The following ADARB2 variants were observed in gnomAD, a reference collection of about 807,000 sequenced individuals.
The protein encoded by ADARB2 is inactive double-stranded RNA-specific editase B2.
In ADARB2, 25 loss-of-function variants were observed where a neutral mutation model predicts 62.2. That is an observed-to-expected ratio of 0.40 (90% CI 0.29 to 0.56). ADARB2 has a LOEUF of 0.56. Ranked by LOEUF, ADARB2 falls within the 20% of genes least tolerant of loss-of-function variation. The pLI, the probability that ADARB2 is intolerant of heterozygous loss-of-function variation, is 0.43. For synonymous variants in ADARB2, 572 were observed against 500.8 expected (o/e 1.14, Z -1.90); for missense variants, 1,071 against 1,077.4 (o/e 0.99, Z 0.08).
chr10:1,437,235 C>T (rs1429191389), intron 1 of ADARB2, among the ~76,000 whole-genome samples: 117 of 147,364 alleles, frequency 7.9e-4, no homozygotes, highest in African/African-American at 2.8e-3. Context: ...TATATATACA[C>T]ACACACACAT....
At chr10:1,679,820 C>T (rs1834512314) in intron 1 of ADARB2, among the ~76,000 whole-genome samples, 1 of 152,202 alleles carries the variant, frequency 6.6e-6, no homozygotes, top group South Asian at 2.1e-4. Flanking sequence ...CAGGGGATGC[C>T]TGCTGCCTGG....
chr10:1,363,105 C>A lies in ADARB2; in HGVS notation c.1000G>T (p.Ala334Ser). The change falls in exon 3 of 10, where the codon GCC becomes TCC. Residue 334 changes from alanine to serine, a missense_variant. Coordinates refer to ENST00000381312, the MANE Select transcript of ADARB2 (RefSeq NM_018702.4). ...ATGTCGAACAGCTCCTGCAGTGCGG[C>A]CTGCGCGGCCTGACCCCGGGCCAGC... The part of the protein sequence containing the change: ...KKLARGQAAQ[A>S]ALQELFDIQM... 1 of 1,525,552 alleles carries A rather than the reference C, an allele frequency of 6.6e-7. No homozygotes were observed. The highest frequency in any genetic ancestry group is 8.7e-7 in the Non-Finnish European group (1 of 1,144,834). 94.5% of individuals were successfully genotyped at this position (1,525,552 alleles called of 1,614,324 possible).
chr10:1,653,396 G>T (rs1286113947), intron 1 of ADARB2, among the ~76,000 whole-genome samples: 1 of 152,222 alleles, frequency 6.6e-6, no homozygotes, highest in Non-Finnish European at 1.5e-5. Flanking sequence ...GGCATGAAGA[G>T]GCTGGGGTTT....
At chr10:1,570,994 C>T (rs1477853591) in intron 1 of ADARB2, among the ~76,000 whole-genome samples, 3 of 152,144 alleles carry the variant, frequency 2.0e-5, no homozygotes, top group Non-Finnish European at 2.9e-5. Flanking sequence ...TCCTGCCTCC[C>T]AGACAAAACC....
chr10:1,201,632 A>G (rs953001343), intron 7 of ADARB2, among the ~76,000 whole-genome samples: 2 of 148,856 alleles, frequency 1.3e-5, no homozygotes, highest in African/African-American at 2.5e-5. Flanking sequence ...TAAGCCACAG[A>G]GCACCTGTCA....
chr10:1,213,132 TG>T (rs1837179730), intron 7 of ADARB2, among the ~76,000 whole-genome samples: 1 of 149,946 alleles, frequency 6.7e-6, no homozygotes, highest in South Asian at 2.1e-4. Flanking sequence ...GAGGATGAGA[TG>T]GAGAGGGAGA....
intron 1 of ADARB2, among the ~76,000 whole-genome samples, chr10:1,392,272 T>C (rs1362253312): frequency 1.3e-5 from 2 of 152,140 alleles, no homozygotes; most frequent in African/African-American, 2.4e-5. Context: ...ATAACCGGGA[T>C]TGGGGCTGAC....
chr10:1,660,085 C>G (rs1176010032), intron 1 of ADARB2, among the ~76,000 whole-genome samples: 1 of 152,188 alleles, frequency 6.6e-6, no homozygotes, highest in Non-Finnish European at 1.5e-5. Context: ...CATCATGCAG[C>G]TTCCTGGTTC....
intron 1 of ADARB2, among the ~76,000 whole-genome samples, chr10:1,403,605 C>A (rs1160768793): frequency 6.6e-6 from 1 of 152,164 alleles, no homozygotes. Flanking sequence ...TTGCACTCCA[C>A]GTGAGGGGCC....
intron 1 of ADARB2, among the ~76,000 whole-genome samples, chr10:1,411,081 C>T (rs978815236): frequency 8.5e-5 from 13 of 152,224 alleles, no homozygotes; most frequent in African/African-American, 2.9e-4. Flanking sequence ...TCCTGCTCTC[C>T]TCTCTGCAGC....
chr10:1,224,271 T>A (rs992651617), intron 6 of ADARB2, among the ~76,000 whole-genome samples: 1 of 152,192 alleles, frequency 6.6e-6, no homozygotes, highest in Non-Finnish European at 1.5e-5. Flanking sequence ...GGTGGTGATA[T>A]CCCCTTTATC....
intron 1 of ADARB2, among the ~76,000 whole-genome samples, chr10:1,700,463 A>G (rs1456999479): frequency 5.2e-4 from 1 of 1,928 alleles, no homozygotes; most frequent in African/African-American, 6.1e-4. Context: ...GCACTCGCCA[A>G]CACACACAAT....
At chr10:1,706,173 C>T (rs1276730831) in intron 1 of ADARB2, among the ~76,000 whole-genome samples, 3 of 152,158 alleles carry the variant, frequency 2.0e-5, no homozygotes, top group South Asian at 2.1e-4. Flanking sequence ...TTTGCTAAAA[C>T]GCTAGTGTTT....
At chr10:1,311,581 C>T (rs914277455) in intron 3 of ADARB2, among the ~76,000 whole-genome samples, 2 of 152,194 alleles carry the variant, frequency 1.3e-5, no homozygotes, top group Non-Finnish European at 2.9e-5. Context: ...GGCCAAGGCG[C>T]CTAGAGTGTC....
intron 1 of ADARB2, among the ~76,000 whole-genome samples, chr10:1,517,062 C>T (rs1832017323): frequency 1.3e-5 from 2 of 152,294 alleles, no homozygotes; most frequent in African/African-American, 4.8e-5. Context: ...GGCGTCAGGC[C>T]GCCTGCTCAC....
intron 1 of ADARB2, among the ~76,000 whole-genome samples, chr10:1,489,462 C>T (rs188566978): frequency 1.3e-5 from 2 of 152,358 alleles, no homozygotes; most frequent in East Asian, 3.9e-4. Flanking sequence ...TAACATTTTC[C>T]TGTGAGTCCA....
At chr10:1,376,167 A>G (rs36106483) in intron 2 of ADARB2, among the ~76,000 whole-genome samples, 45,891 of 152,234 alleles carry the variant, frequency 0.3, 7,577 homozygotes, top group Non-Finnish European at 0.37. Context: ...GCAATGCCAC[A>G]GGGATCTAGG....
At chr10:1,511,315 C>T (rs1030642684) in intron 1 of ADARB2, among the ~76,000 whole-genome samples, 1 of 152,186 alleles carries the variant, frequency 6.6e-6, no homozygotes, top group Non-Finnish European at 1.5e-5. Flanking sequence ...TTATTGAACA[C>T]CTACCCCATG....
At chr10:1,571,761 A>G (rs544497108) in intron 1 of ADARB2, among the ~76,000 whole-genome samples, 2 of 145,246 alleles carry the variant, frequency 1.4e-5, no homozygotes, top group Admixed American at 1.4e-4. Context: ...TGTGCAGGTG[A>G]GTGGACAGGT....
Sources: allele counts gnomAD v4.1 joint callset (sites outside exome capture counted in the v4.1 genomes callset), GRCh38; gene constraint gnomAD v4.1.1; transcripts MANE v1.5; gene names NCBI Gene and HGNC (gene_info 2026-07-23, HGNC 2026-07-21).